Variants in RASA3 observed in about 807,000 individuals in gnomAD.
The protein encoded by RASA3 is RAS p21 protein activator 3, also known as ras GTPase-activating protein 3.
A neutral mutation model predicts 110.0 loss-of-function variants in RASA3; 73 were observed. That is an observed-to-expected ratio of 0.66 (90% confidence interval 0.55 to 0.81). The LOEUF (loss-of-function observed/expected upper bound fraction) is 0.81. Ranked by LOEUF, RASA3 falls within the 30% of genes least tolerant of loss-of-function variation. The pLI is 0.00. For synonymous variants in RASA3, 500 were observed against 451.4 expected (o/e 1.11, Z -1.37); for missense variants, 976 against 1,113.2 (o/e 0.88, Z 1.75).
In RASA3 at chr13:113,979,382, G is replaced by A. The variant is rs145710850; in HGVS notation, c.2470C>T (p.Arg824Trp). The A allele has an allele frequency of 1.1e-4, 173 of 1,607,424 alleles. No homozygotes were observed. The African/African-American group carries it at 1.8e-3, about 17-fold the overall frequency. The change falls in exon 24 of 24, where the codon CGG (arginine) becomes TGG (tryptophan). Residue 824 changes from arginine (R) to tryptophan (W), a missense_variant. By Grantham distance (101) the Arg-to-Trp change is moderately radical. Coordinates refer to ENST00000334062, the MANE Select transcript of RASA3 (RefSeq NM_007368.4). ...IGDKSFQNYIRQQSETSTHSI is the reference protein window; with the variant it reads ...IGDKSFQNYIWQQSETSTHSI ...TGAGTGGAGGTCTCGGACTGCTGCC[G>A]GATGTAGTTCTGGAAGCTCTTGTCT...
intron 1 of RASA3, among the ~76,000 whole-genome samples, chr13:114,098,166 C>A (rs1052474100): frequency 5.9e-5 from 9 of 152,146 alleles, no homozygotes; most frequent in Admixed American, 5.2e-4. Flanking sequence ...GCTAAAGACA[C>A]AGCACACAGG....
At chr13:114,009,188 G>A (rs1182860023) in intron 17 of RASA3, among the ~76,000 whole-genome samples, 199 bp downstream of exon 17, 2 of 152,230 alleles carry the variant, frequency 1.3e-5, no homozygotes, top group Non-Finnish European at 2.9e-5. Context: ...ACGCCAAAGA[G>A]TTTACCAACT....
At chr13:114,076,819 G>A (rs913407707) in intron 1 of RASA3, among the ~76,000 whole-genome samples, 3 of 152,228 alleles carry the variant, frequency 2.0e-5, no homozygotes, top group Non-Finnish European at 4.4e-5. Context: ...TGGAACTGAC[G>A]GCTTCTGCAG....
chr13:114,132,231 C>T (rs2080530115), intron 1 of RASA3, among the ~76,000 whole-genome samples: 1 of 152,124 alleles, frequency 6.6e-6, no homozygotes. Flanking sequence ...ACCCCGGAGC[C>T]GACTCGACCC....
intron 1 of RASA3, among the ~76,000 whole-genome samples, chr13:114,128,951 G>A (rs1325966312): frequency 6.6e-6 from 1 of 152,008 alleles, no homozygotes; most frequent in Non-Finnish European, 1.5e-5. Context: ...GTAACAGATT[G>A]AGAGAAACAC....
chr13:114,058,717 G>A lies in RASA3; in HGVS notation c.174-6562C>T, dbSNP rs183661918. Among the ~76,000 whole-genome samples the A allele has an allele frequency of 1.4e-4, 22 of 152,340 alleles. 1 individual carries two copies. In the East Asian group the frequency reaches 3.9e-3, roughly 27 times the overall value. ...TGGGCACCCTGGACTATGCCGACCCGCAGTCCCCAGGGACCAAGTCCTGCT... is the reference window on the plus strand; with the variant it reads ...TGGGCACCCTGGACTATGCCGACCCACAGTCCCCAGGGACCAAGTCCTGCT... On this transcript the variant is annotated intron_variant, in intron 2 of 23. Transcript: ENST00000334062.
At chr13:114,019,207 C>G (rs75349063) in intron 9 of RASA3, among the ~76,000 whole-genome samples, 1 of 152,188 alleles carries the variant, frequency 6.6e-6, no homozygotes, top group Non-Finnish European at 1.5e-5. Flanking sequence ...GGAACCGGCA[C>G]AGAAGTGGTC....
At position 114,007,584 on chromosome 13, in the gene RASA3, G is replaced by A. The variant is rs374128456; in HGVS notation, c.1691C>T (p.Ser564Leu). The change falls in exon 18 of 24, where the codon TCG becomes TTG. Residue 564 changes from serine to leucine, a missense_variant. Ser to Leu is a moderately radical substitution (Grantham distance 145, BLOSUM62 -2). Coordinates refer to ENST00000334062, the MANE Select transcript of RASA3 (RefSeq NM_007368.4). The stretch of plus-strand genomic sequence containing the variant: ...AACACTCTTGGGGTCTCTTCTCCCC[G>A]AGGACGAAATCAGATCCAAGAACTA... ...VKNFLDLISS[S>L]GRRDPKSVEQ... is the part of the protein sequence containing the mutation. The A allele has an allele frequency of 9.9e-6, 16 of 1,613,100 alleles. No individual in the cohort carries two copies. The highest frequency in any genetic ancestry group is 2.7e-5 in the African/African-American group (2 of 74,890).
chr13:114,038,198 C>T (rs1413067709), intron 4 of RASA3, among the ~76,000 whole-genome samples: 1 of 152,236 alleles, frequency 6.6e-6, no homozygotes, highest in African/African-American at 2.4e-5. Flanking sequence ...GTGACGGAGA[C>T]CCCAGCGACG....
rs113447921 is a variant in RASA3 at position 114,053,457 on chromosome 13, C to T, written c.174-1302G>A. On this transcript the variant is annotated intron_variant, in intron 2 of 23. Coordinates refer to ENST00000334062, the MANE Select transcript of RASA3 (RefSeq NM_007368.4). ...CACCAACTCAGAACTTAAAACAAGC[C>T]CACTTTCATGCACATTGATGCTAAG... 7.2e-5 allele frequency among the ~76,000 whole-genome samples: 11 copies of T among 152,356 alleles called. 1 individual carries two copies. Among genetic ancestry groups the T allele is most frequent in the African/African-American group, 1.7e-4 (7 of 41,584 alleles).
At chr13:114,028,683 T>G (rs1384628563) in intron 5 of RASA3, among the ~76,000 whole-genome samples, 1 of 105,096 alleles carries the variant, frequency 9.5e-6, no homozygotes, top group African/African-American at 3.8e-5. Flanking sequence ...AGTGTCATCC[T>G]GGGGCCAGGA....
intron 3 of RASA3, among the ~76,000 whole-genome samples, chr13:114,042,671 C>CG (rs1476712269): frequency 6.6e-6 from 1 of 152,250 alleles, no homozygotes; most frequent in Non-Finnish European, 1.5e-5. Context: ...AGCCCAGCCC[C>CG]GGTTCTCTCT....
In RASA3 at chr13:114,027,238, G is replaced by A. The variant is rs147957467; in HGVS notation, c.603+151C>T. ...CGGCCGGCGGGGCTCGCTCCTCTCCGGAAGGAACCCAGGGCCGGCTGGCGG... is the reference window on the plus strand; with the variant it reads ...CGGCCGGCGGGGCTCGCTCCTCTCCAGAAGGAACCCAGGGCCGGCTGGCGG... On this transcript the variant is annotated intron_variant, in intron 7 of 23. Coordinates refer to ENST00000334062, the MANE Select transcript of RASA3 (RefSeq NM_007368.4). 4.2e-4 allele frequency: 302 copies of A among 723,898 alleles called. 1 individual carries two copies. The East Asian group carries it at 4.9e-3, about 12-fold the overall frequency. The allele number at this position is 723,898 out of a possible 1,614,324, so 44.8% of individuals were successfully genotyped here. A position where few individuals can be genotyped will look rare whatever the true frequency, so the allele number is the denominator to read the frequency against.
At chr13:114,032,355 A>G (rs1356278003) in intron 4 of RASA3, among the ~76,000 whole-genome samples, 1 of 152,120 alleles carries the variant, frequency 6.6e-6, no homozygotes, top group East Asian at 1.9e-4. Context: ...TCACAAATCA[A>G]AAACGCTCTA....
At chr13:114,054,621 C>T (rs1052250190) in intron 2 of RASA3, among the ~76,000 whole-genome samples, 2 of 152,160 alleles carry the variant, frequency 1.3e-5, no homozygotes, top group Admixed American at 6.5e-5. Context: ...ACTCAGAAAA[C>T]CATTTTTTGT....
Position 114,096,107 on chromosome 13 carries a change from G to A in RASA3, c.56-22270C>T, listed in dbSNP as rs1421227210. ...TCCAGGTGGCCCTGGCGGCATCGGT[G>A]TGCTGGGAAGGGGGTGCTCTCTGGG... is the stretch of plus-strand genomic sequence containing the variant. On this transcript the variant is annotated intron_variant, in intron 1 of 23. Coordinates refer to ENST00000334062, the MANE Select transcript of RASA3 (RefSeq NM_007368.4). This position sits in a 1 kb window ranked among gnomAD's most constrained non-coding sequence, Gnocchi z 5.1. Among the ~76,000 whole-genome samples, 3 of 152,136 alleles carry A rather than the reference G, an allele frequency of 2.0e-5. No individual in the cohort carries two copies. The East Asian group carries it at 5.8e-4, about 29-fold the overall frequency.
chr13:114,035,353 C>T (rs762018465), intron 4 of RASA3, among the ~76,000 whole-genome samples: 49 of 152,326 alleles, frequency 3.2e-4, no homozygotes, highest in Admixed American at 7.2e-4. Context: ...TGCACTCCTG[C>T]GAACTCACAG....
chr13:114,113,248 C>T (rs576824613), intron 1 of RASA3, among the ~76,000 whole-genome samples: 2 of 152,358 alleles, frequency 1.3e-5, no homozygotes, highest in East Asian at 1.9e-4. Flanking sequence ...ACAGGCACCT[C>T]CTTCCATGGA....
At position 114,013,317 on chromosome 13, in the gene RASA3, G is replaced by C. The variant is rs1019844589; in HGVS notation, c.1406-69C>G. 2.6e-6 allele frequency: 3 copies of C among 1,163,958 alleles called. No homozygotes were observed. The Admixed American group carries it at 6.3e-5, about 24-fold the overall frequency. The allele number at this position is 1,163,958 out of a possible 1,614,324, so 72.1% of individuals were successfully genotyped here. A position where few individuals can be genotyped will look rare whatever the true frequency, so the allele number is the denominator to read the frequency against. On this transcript the variant is annotated intron_variant, in intron 14 of 23. Coordinates refer to ENST00000334062, the MANE Select transcript of RASA3 (RefSeq NM_007368.4). Reference sequence around the variant, plus strand: ...TGGCCTCGTGGGGACACCATGCCCCGGCCCCCTGAGGGTCCGCAGGGAAGT... The same window carrying C: ...TGGCCTCGTGGGGACACCATGCCCCCGCCCCCTGAGGGTCCGCAGGGAAGT...
Sources: gnomAD v4.1 joint callset for allele counts (sites outside exome capture counted in the v4.1 genomes callset) on GRCh38, gnomAD v4.1.1 for gene constraint, Gnocchi (gnomAD v3.1) non-coding constraint, MANE v1.5 for transcripts, NCBI Gene and HGNC (gene_info 2026-07-23, HGNC 2026-07-21) for gene names.